The following STEAP2 variants were observed in gnomAD, a reference collection of about 807,000 sequenced individuals.
The protein encoded by STEAP2 is STEAP2 metalloreductase, also known as metalloreductase STEAP2.
In STEAP2, 30 loss-of-function variants were observed where a neutral mutation model predicts 46.4. The ratio of observed to expected loss-of-function variants is 0.65; its 90% CI spans 0.48 to 0.88. The LOEUF (loss-of-function observed/expected upper bound fraction) is 0.88. Among genes scored for constraint, STEAP2 ranks in the 40% least tolerant of loss-of-function variants. STEAP2 has a pLI of 0.00. For missense variants in STEAP2, 513 were observed against 579.3 expected (o/e 0.89, Z 1.18); for synonymous variants, 180 against 200.5 (o/e 0.90, Z 0.86).
In STEAP2 at chr7:90,234,534, A is replaced by G. The variant is rs1584253389; in HGVS notation, c.*1910A>G. 2.4e-6 allele frequency: 2 copies of G among 828,482 alleles called. No homozygotes were observed. The highest frequency in any genetic ancestry group is 2.9e-6 in the Non-Finnish European group (2 of 696,470). 51.3% of individuals were successfully genotyped at this position (828,482 alleles called of 1,614,324 possible). On this transcript the variant is annotated 3_prime_UTR_variant, in exon 6 of 6. Coordinates refer to ENST00000394621, the MANE Select transcript of STEAP2 (RefSeq NM_001244944.2). ...TAATGTTCTCTTGGTGAATTTTATT[A>G]TCTTGTACCCTCTTTTTTTTTTTTT...
chr7:90,238,957 A>G (rs988159192), downstream of STEAP2, among the ~76,000 whole-genome samples: 2 of 151,898 alleles, frequency 1.3e-5, no homozygotes, highest in Non-Finnish European at 2.9e-5. Flanking sequence ...ACTCAGCACT[A>G]CTGTGTGAAA....
In STEAP2 at chr7:90,234,606, A is replaced by G. The variant is rs1584253646; in HGVS notation, c.*1982A>G. 1.2e-6 allele frequency: 1 copy of G among 852,310 alleles called. No individual in the cohort carries two copies. Among genetic ancestry groups the G allele is most frequent in the Middle Eastern group, 6.0e-4 (1 of 1,666 alleles). The allele number at this position is 852,310 out of a possible 1,614,324, so 52.8% of individuals were successfully genotyped here. A position where few individuals can be genotyped will look rare whatever the true frequency, so the allele number is the denominator to read the frequency against. ...TGCTCTGTCACCCAGGCTGGAGTGC[A>G]GTGGCACGATCTCGGCTCACTGCAA... is the stretch of plus-strand genomic sequence containing the variant. On this transcript the variant is annotated 3_prime_UTR_variant, in exon 6 of 6. Coordinates refer to ENST00000394621, the MANE Select transcript of STEAP2 (RefSeq NM_001244944.2).
Position 90,234,222 on chromosome 7 carries a change from G to C in STEAP2, c.*1598G>C. ...TACAGATTATTCATAAAATTTTTCA[G>C]TGCTGTCCTTCCACATTTAATTGCA... On this transcript the variant is annotated 3_prime_UTR_variant, in exon 6 of 6. Coordinates refer to ENST00000394621, the MANE Select transcript of STEAP2 (RefSeq NM_001244944.2). 1.0e-6 allele frequency: 1 copy of C among 985,342 alleles called. No individual in the cohort carries two copies. The highest frequency in any genetic ancestry group is 1.2e-6 in the Non-Finnish European group (1 of 829,904). 61.0% of individuals were successfully genotyped at this position (985,342 alleles called of 1,614,324 possible).
chr7:90,217,693 T>G (rs376975024), intron 2 of STEAP2, among the ~76,000 whole-genome samples: 19 of 116,408 alleles, frequency 1.6e-4, no homozygotes, highest in African/African-American at 6.7e-4. Flanking sequence ...CTTGCTAGTG[T>G]GAATAGTGCG....
At chr7:90,220,862 TTCC>T (rs1444564098) in intron 2 of STEAP2, among the ~76,000 whole-genome samples, 1 of 146,208 alleles carries the variant, frequency 6.8e-6, no homozygotes, top group African/African-American at 2.5e-5. Flanking sequence ...TTTTGATTTC[TTCC>T]TTAATTTATT....
chr7:90,233,907 C>T lies in STEAP2; in HGVS notation c.*1283C>T. ...AAATATTATTATAATAAACTTATTA[C>T]TGCTTGTAGGGTAATTCACAGTTAC... On this transcript the variant is annotated 3_prime_UTR_variant, in exon 6 of 6. Coordinates refer to ENST00000394621, the MANE Select transcript of STEAP2 (RefSeq NM_001244944.2). 1 of 985,116 alleles carries T rather than the reference C, an allele frequency of 1.0e-6. No individual in the cohort carries two copies. Among genetic ancestry groups the T allele is most frequent in the Non-Finnish European group, 1.2e-6 (1 of 829,674 alleles). 61.0% of individuals were successfully genotyped at this position (985,116 alleles called of 1,614,324 possible).
intron 4 of STEAP2, among the ~76,000 whole-genome samples, chr7:90,229,229 GA>G (rs1359166777): frequency 6.6e-6 from 1 of 152,012 alleles, no homozygotes; most frequent in Non-Finnish European, 1.5e-5. Context: ...AAGACATTTG[GA>G]AAAAATACTG....
Position 90,234,267 on chromosome 7 carries a change from T to C in STEAP2, c.*1643T>C, listed in dbSNP as rs1429315658. On this transcript the variant is annotated 3_prime_UTR_variant, in exon 6 of 6. Transcript: ENST00000394621. ...ATTGCATTTTGCTCAAACTGTAGAA[T>C]GCCCTACATTCCCCCCACCCCAATT... is the stretch of plus-strand genomic sequence containing the variant. The C allele has an allele frequency of 1.0e-6, 1 of 985,302 alleles. No homozygotes were observed. Among genetic ancestry groups the C allele is most frequent in the Non-Finnish European group, 1.2e-6 (1 of 829,936 alleles). 61.0% of individuals were successfully genotyped at this position (985,302 alleles called of 1,614,324 possible). A position where few individuals can be genotyped will look rare whatever the true frequency, so the allele number is the denominator to read the frequency against.
chr7:90,217,196 A>C (rs996888452), intron 2 of STEAP2, among the ~76,000 whole-genome samples: 12 of 152,360 alleles, frequency 7.9e-5, no homozygotes, highest in Admixed American at 2.6e-4. Flanking sequence ...TAGAATGTGT[A>C]ATGATCTGGT....
chr7:90,229,709 A>G (rs1795655512), intron 4 of STEAP2, among the ~76,000 whole-genome samples, 163 bp from the exon 5 acceptor site: 1 of 152,188 alleles, frequency 6.6e-6, no homozygotes, highest in African/African-American at 2.4e-5. Flanking sequence ...CTGGAGCAGT[A>G]TCATCCAGTA....
At chr7:90,216,793 T>A (rs28947502) in intron 2 of STEAP2, among the ~76,000 whole-genome samples, 190 bp downstream of exon 2, 12 of 152,298 alleles carry the variant, frequency 7.9e-5, no homozygotes, top group East Asian at 5.8e-4. Flanking sequence ...TAATCTTTTT[T>A]AAAAAATGCT....
chr7:90,236,733 T>G lies in STEAP2; in HGVS notation c.*4109T>G, dbSNP rs2116412462. On this transcript the variant is annotated 3_prime_UTR_variant, in exon 6 of 6. Coordinates refer to ENST00000394621, the MANE Select transcript of STEAP2 (RefSeq NM_001244944.2). Reference sequence around the variant, plus strand: ...CTGAGTTTTTTTTAACTTTCTAAATTATTGAATTTCCATCATGCATTCATC... The same window carrying G: ...CTGAGTTTTTTTTAACTTTCTAAATGATTGAATTTCCATCATGCATTCATC... 2.9e-6 allele frequency: 4 copies of G among 1,401,752 alleles called. No individual in the cohort carries two copies. The East Asian group carries it at 1.1e-4, about 38-fold the overall frequency. The allele number at this position is 1,401,752 out of a possible 1,614,324, so 86.8% of individuals were successfully genotyped here.
At position 90,229,499 on chromosome 7, in the gene STEAP2, G is replaced by C. The variant is rs560473393; in HGVS notation, c.1021-373G>C. ...TATTCAACCAAGTTTAAACCAGCTTGTAATAGTACTTCAAAACTAAGTTTA... is the reference window on the plus strand; with the variant it reads ...TATTCAACCAAGTTTAAACCAGCTTCTAATAGTACTTCAAAACTAAGTTTA... On this transcript the variant is annotated intron_variant, in intron 4 of 5. Coordinates refer to ENST00000394621, the MANE Select transcript of STEAP2 (RefSeq NM_001244944.2). Among the ~76,000 whole-genome samples the C allele has an allele frequency of 2.9e-4, 44 of 152,254 alleles. 2 individuals carry two copies. The highest frequency in any genetic ancestry group is 1.2e-3 in the South Asian group (6 of 4,824).
chr7:90,241,109 C>A (rs1796053839), downstream of STEAP2, among the ~76,000 whole-genome samples: 1 of 152,144 alleles, frequency 6.6e-6, no homozygotes, highest in South Asian at 2.1e-4. Flanking sequence ...TTAGTGAAAA[C>A]CAGTTTTATG....
chr7:90,239,681 C>T (rs778282279), downstream of STEAP2, among the ~76,000 whole-genome samples: 9 of 151,926 alleles, frequency 5.9e-5, no homozygotes, highest in Admixed American at 3.9e-4. Flanking sequence ...TGGGTAAAAG[C>T]GCTTTATAAA....
Position 90,227,207 on chromosome 7 carries a change from A to G in STEAP2, c.729A>G (p.Gln243=). ...RDVIHPYARN[Q]QSDFYKIPIE... Reference sequence around the variant, plus strand: ...TGATTCATCCATATGCTAGAAACCAACAGAGTGACTTTTACAAAATTCCTA... The same window carrying G: ...TGATTCATCCATATGCTAGAAACCAGCAGAGTGACTTTTACAAAATTCCTA... The change falls in exon 4 of 6, where the codon CAA becomes CAG. Residue 243 remains glutamine, a synonymous_variant. Transcript: ENST00000394621. The G allele has an allele frequency of 6.2e-7, 1 of 1,613,840 alleles. No homozygotes were observed. Among genetic ancestry groups the G allele is most frequent in the Non-Finnish European group, 8.5e-7 (1 of 1,179,858 alleles).
At chr7:90,215,265 C>T (rs1794971107) in intron 1 of STEAP2, 1 of 152,224 alleles carries the variant, frequency 6.6e-6, no homozygotes, top group Admixed American at 6.5e-5. Context: ...ATCAAAACCT[C>T]TGTGGACAGC....
rs1166125666 is a variant in STEAP2, at chr7:90,234,970, A to C, written c.*2346A>C. ...ATTCAGTTGGGCAATGATAACTTTT[A>C]TGGGCAAAAACATTCTATTATAGTG... On this transcript the variant is annotated 3_prime_UTR_variant, in exon 6 of 6. Coordinates refer to ENST00000394621, the MANE Select transcript of STEAP2 (RefSeq NM_001244944.2). 1.0e-6 allele frequency: 1 copy of C among 975,602 alleles called. No homozygotes were observed. The highest frequency in any genetic ancestry group is 1.1e-4 in the East Asian group (1 of 8,802). The allele number at this position is 975,602 out of a possible 1,614,324, so 60.4% of individuals were successfully genotyped here. A position where few individuals can be genotyped will look rare whatever the true frequency, so the allele number is the denominator to read the frequency against.
chr7:90,228,609 T>C (rs1795602795), intron 4 of STEAP2, among the ~76,000 whole-genome samples: 1 of 152,108 alleles, frequency 6.6e-6, no homozygotes, highest in South Asian at 2.1e-4. Context: ...TTAATAACAC[T>C]TACCATCTTC....
Sources: allele counts gnomAD v4.1 joint callset (sites outside exome capture counted in the v4.1 genomes callset), GRCh38; gene constraint gnomAD v4.1.1; transcripts MANE v1.5; gene names NCBI Gene and HGNC (gene_info 2026-07-23, HGNC 2026-07-21).